ZZEF1: variants seen among roughly 807,000 people sequenced by gnomAD.
ZZEF1 encodes zinc finger ZZ-type and EF-hand domain containing 1, also known as zinc finger ZZ-type and EF-hand domain-containing protein 1.
A neutral mutation model predicts 342.8 loss-of-function variants in ZZEF1; 157 were observed. That is an observed-to-expected ratio of 0.46 (90% confidence interval 0.40 to 0.52). ZZEF1 has a LOEUF of 0.52. Ranked by LOEUF, ZZEF1 falls within the 20% of genes least tolerant of loss-of-function variation. The pLI is 0.00. For missense variants in ZZEF1, 3,480 were observed against 3,725.6 expected (o/e 0.93, Z 1.72); for synonymous variants, 1,505 against 1,429.1 (o/e 1.05, Z -1.20).
rs775319068 is a variant in ZZEF1, at chr17:4,005,832, T to C, written c.*1058A>G. 2.6e-5 allele frequency: 4 copies of C among 152,304 alleles called. No individual in the cohort carries two copies. The highest frequency in any genetic ancestry group is 5.9e-5 in the Non-Finnish European group (4 of 68,112). The allele number at this position is 152,304 out of a possible 1,614,324, so 9.4% of individuals were successfully genotyped here. A position where few individuals can be genotyped will look rare whatever the true frequency, so the allele number is the denominator to read the frequency against. On this transcript the variant is annotated 3_prime_UTR_variant, in exon 55 of 55. Transcript: ENST00000381638. The stretch of plus-strand genomic sequence containing the variant: ...CAGCCCACACGCCAGACTTGCTTCA[T>C]GTTCCCAAGCGTGGCTCTGGAGGGA...
intron 1 of ZZEF1, among the ~76,000 whole-genome samples, chr17:4,125,673 T>C (rs1314251697): frequency 6.6e-6 from 1 of 152,002 alleles, no homozygotes; most frequent in Non-Finnish European, 1.5e-5. Flanking sequence ...TCAAGAAAGG[T>C]GAGTTTGGTT....
chr17:4,100,695 C>T (rs560561995), intron 9 of ZZEF1, among the ~76,000 whole-genome samples: 13 of 152,104 alleles, frequency 8.5e-5, no homozygotes, highest in African/African-American at 3.1e-4. Context: ...ATTAGCCGGG[C>T]GTGGTGGCGG....
At chr17:4,086,770 T>C (rs2057837758) in intron 14 of ZZEF1, 115 bp from the exon 15 acceptor site, 1 of 926,608 alleles carries the variant, frequency 1.1e-6, no homozygotes, top group Non-Finnish European at 1.6e-6. Context: ...ATGAAAATAA[T>C]GCCAACTGAT....
At chr17:4,069,237 G>T (rs183097001) in intron 26 of ZZEF1, among the ~76,000 whole-genome samples, 3 of 152,234 alleles carry the variant, frequency 2.0e-5, no homozygotes, top group Admixed American at 2.0e-4. Context: ...CAAGTAAAAA[G>T]ATTATCCAGC....
Position 4,074,332 on chromosome 17 carries a change from C to G in ZZEF1, c.3503G>C (p.Gly1168Ala). ...KWPKKVTFKAGPRLQFLFHSD... is the reference protein window; with the variant it reads ...KWPKKVTFKAAPRLQFLFHSD... ...GTGAAAGAGGAACTGCAACCGAGGA[C>G]CGGCCTTGAAGGTCACTTTCTAGAG... The change falls in exon 24 of 55, where the codon GGT (glycine) becomes GCT (alanine). Residue 1168 changes from glycine (G) to alanine (A), a missense_variant. Coordinates refer to ENST00000381638, the MANE Select transcript of ZZEF1 (RefSeq NM_015113.4). The G allele has an allele frequency of 6.2e-7, 1 of 1,614,136 alleles. No homozygotes were observed. The highest frequency in any genetic ancestry group is 8.5e-7 in the Non-Finnish European group (1 of 1,180,044).
At chr17:4,015,706 G>A (rs1169151018) in intron 49 of ZZEF1, among the ~76,000 whole-genome samples, 1 of 152,050 alleles carries the variant, frequency 6.6e-6, no homozygotes, top group African/African-American at 2.4e-5. Flanking sequence ...GGAGGTTGCA[G>A]TGAGCCGAGA....
At chr17:4,103,855 G>T (rs1425440865) in intron 8 of ZZEF1, among the ~76,000 whole-genome samples, 1 of 152,204 alleles carries the variant, frequency 6.6e-6, no homozygotes, top group East Asian at 1.9e-4. Context: ...GGGAGGTCAA[G>T]GCTGCAGTGA....
At chr17:4,059,348 A>G in intron 30 of ZZEF1, 58 bp from the exon 31 acceptor site, 1 of 1,562,942 alleles carries the variant, frequency 6.4e-7, no homozygotes, top group East Asian at 2.3e-5. Context: ...TTTCTTAATA[A>G]TAATAATGAT....
rs1316823453 is a variant in ZZEF1, at chr17:4,056,812, C to G, written c.5166-467G>C. 2.0e-5 allele frequency: 3 copies of G among 152,252 alleles called. No individual in the cohort carries two copies. The East Asian group carries it at 5.8e-4, about 29-fold the overall frequency. 9.4% of individuals were successfully genotyped at this position (152,252 alleles called of 1,614,324 possible). A position where few individuals can be genotyped will look rare whatever the true frequency, so the allele number is the denominator to read the frequency against. ...TGTGAGACCTTGACACATGACTCAG[C>G]CCTGGTCCTCAGTCTCCCCATTTCA... On this transcript the variant is annotated intron_variant, in intron 32 of 54. Coordinates refer to ENST00000381638, the MANE Select transcript of ZZEF1 (RefSeq NM_015113.4).
rs2057354749 is a variant in ZZEF1, at chr17:4,064,633, A to G, written c.4446T>C (p.Pro1482=). ...GGCCAGGACTCTGGTCTCCTGTGGCAGGGGGTGCGGCTTCAGTGGGAGATA... is the reference window on the plus strand; with the variant it reads ...GGCCAGGACTCTGGTCTCCTGTGGCGGGGGGTGCGGCTTCAGTGGGAGATA... The part of the protein sequence containing the change: ...ASVSPTEAAP[P]ATGDQSPGLG... The change falls in exon 29 of 55, where the codon CCT becomes CCC. Residue 1482 remains proline, a synonymous_variant. Transcript: ENST00000381638. The G allele has an allele frequency of 6.2e-7, 1 of 1,614,172 alleles. No homozygotes were observed. Among genetic ancestry groups the G allele is most frequent in the East Asian group, 2.2e-5 (1 of 44,892 alleles).
At position 4,023,656 on chromosome 17, in the gene ZZEF1, C is replaced by CAAAAAAAAA. The variant is rs71144154; in HGVS notation, c.7093-837_7093-829dup. ...GAAACTTAGCAAGACCCTGTCTCTC[C>CAAAAAAAAA]AAAAAAAAAAAAAAAAAAAAAATTA... On this transcript the variant is annotated intron_variant, in intron 43 of 54. Coordinates refer to ENST00000381638, the MANE Select transcript of ZZEF1 (RefSeq NM_015113.4). 7.0e-5 allele frequency among the ~76,000 whole-genome samples: 5 copies of CAAAAAAAAA among 71,448 alleles called. 1 individual carries two copies. The highest frequency in any genetic ancestry group is 1.5e-4 in the African/African-American group (3 of 20,296). 46.9% of individuals were successfully genotyped at this position (71,448 alleles called of 152,430 possible).
At chr17:4,140,470 T>C (rs2058825644) in intron 1 of ZZEF1, among the ~76,000 whole-genome samples, 1 of 152,196 alleles carries the variant, frequency 6.6e-6, no homozygotes. Flanking sequence ...ACACTCACCA[T>C]ATCTTATAAT....
intron 1 of ZZEF1, among the ~76,000 whole-genome samples, chr17:4,124,881 C>T (rs2058549307): frequency 6.6e-6 from 1 of 152,156 alleles, no homozygotes; most frequent in African/African-American, 2.4e-5. Context: ...ATCTGGGGAA[C>T]CTGGGACAGT....
Position 4,049,772 on chromosome 17 carries a change from C to T in ZZEF1, c.5951G>A (p.Gly1984Glu). 6.2e-7 allele frequency: 1 copy of T among 1,614,174 alleles called. No individual in the cohort carries two copies. The highest frequency in any genetic ancestry group is 8.5e-7 in the Non-Finnish European group (1 of 1,180,038). The change falls in exon 37 of 55, where the codon GGA becomes GAA. Residue 1984 changes from glycine (G) to glutamate (E), a missense_variant. Transcript: ENST00000381638. Reference protein sequence around the residue: ...DQALPVTVPTGASEEQLEKKA... With the variant: ...DQALPVTVPTEASEEQLEKKA... ...CTTCTCTAGCTGCTCCTCTGACGCT[C>T]CGGTGGGCACAGTGACTGGTAGGGC...
intron 25 of ZZEF1, 100 bp from the exon 26 acceptor site, chr17:4,071,024 T>C: frequency 7.3e-7 from 1 of 1,369,456 alleles, no homozygotes; most frequent in Non-Finnish European, 1.0e-6. Flanking sequence ...TAAAACACAG[T>C]GAACACTCTC....
chr17:4,029,292 C>A (rs1050513795), intron 42 of ZZEF1, among the ~76,000 whole-genome samples: 1 of 151,852 alleles, frequency 6.6e-6, no homozygotes, highest in Non-Finnish European at 1.5e-5. Flanking sequence ...GGGAATTAAA[C>A]CTGAAATCAA....
In ZZEF1 at chr17:4,113,084, C is replaced by T. The variant is rs376877607; in HGVS notation, c.867-276G>A. Among the ~76,000 whole-genome samples the T allele has an allele frequency of 6.7e-4, 102 of 152,246 alleles. 2 individuals are homozygous for T. In the South Asian group the frequency reaches 8.5e-3, roughly 13 times the overall value. ...ACAGTATGAACATTCTAACAAAATCCCTTTACCTGGCAAAAAAGCTAATTT... is the reference window on the plus strand; with the variant it reads ...ACAGTATGAACATTCTAACAAAATCTCTTTACCTGGCAAAAAAGCTAATTT... On this transcript the variant is annotated intron_variant, in intron 4 of 54. Transcript: ENST00000381638.
chr17:4,104,497 G>T, intron 8 of ZZEF1, 136 bp downstream of exon 8: 1 of 910,718 alleles, frequency 1.1e-6, no homozygotes, highest in Non-Finnish European at 1.6e-6. Flanking sequence ...CAGAGGATAC[G>T]TTCATCCAGG....
At chr17:4,100,210 C>A (rs1223077962) in intron 9 of ZZEF1, among the ~76,000 whole-genome samples, 1 of 152,340 alleles carries the variant, frequency 6.6e-6, no homozygotes, top group African/African-American at 2.4e-5. Flanking sequence ...CCAAACCCAA[C>A]AGCTCTGGCC....
Sources: allele counts gnomAD v4.1 joint callset (sites outside exome capture counted in the v4.1 genomes callset), GRCh38; gene constraint gnomAD v4.1.1; transcripts MANE v1.5; gene names NCBI Gene and HGNC (gene_info 2026-07-23, HGNC 2026-07-21).